The following SEMA5B variants were observed in gnomAD, a reference collection of about 807,000 sequenced individuals.
SEMA5B encodes semaphorin 5B.
Under a neutral mutation model 135.0 loss-of-function variants are expected in SEMA5B, and 66 were observed. The ratio of observed to expected loss-of-function variants is 0.49; its 90% confidence interval spans 0.40 to 0.60. The LOEUF (loss-of-function observed/expected upper bound fraction) is 0.60. Ranked by LOEUF, SEMA5B falls within the 20% of genes least tolerant of loss-of-function variation. SEMA5B has a pLI of 0.00. For missense variants in SEMA5B, 1,501 were observed against 1,566.3 expected, an observed-to-expected ratio of 0.96 and a Z score of 0.70; for synonymous variants, 690 against 639.5, an observed-to-expected ratio of 1.08 and a Z score of -1.19.
chr3:122,920,249 C>T (rs78414461), intron 12 of SEMA5B, among the ~76,000 whole-genome samples: 8,034 of 152,294 alleles, frequency 0.053, 268 homozygotes, highest in Middle Eastern at 0.11. Flanking sequence ...GTTTCTCCTG[C>T]GCCAAACTCC....
At chr3:122,990,876 T>G (rs1941853223) in intron 1 of SEMA5B, among the ~76,000 whole-genome samples, 1 of 152,222 alleles carries the variant, frequency 6.6e-6, no homozygotes, top group South Asian at 2.1e-4. Context: ...ACATGATGTC[T>G]GTCTCACTCA....
At chr3:122,954,524 C>A (rs919214374) in intron 2 of SEMA5B, among the ~76,000 whole-genome samples, 1 of 152,220 alleles carries the variant, frequency 6.6e-6, no homozygotes, top group Non-Finnish European at 1.5e-5. Context: ...CAGGAGGCAA[C>A]CTGCCCTGCT....
Position 122,952,241 on chromosome 3 carries a change from G to A in SEMA5B, c.125-3532C>T, listed in dbSNP as rs186032858. Among the ~76,000 whole-genome samples the A allele has an allele frequency of 3.2e-3, 483 of 152,246 alleles. 3 individuals are homozygous for A. The highest frequency in any genetic ancestry group is 0.011 in the African/African-American group (467 of 41,534). ...GTCACTCACATGGAATTTATCCTCA[G>A]TGCTAGCCTGGGTCCGTCCTGTGGC... On this transcript the variant is annotated intron_variant, in intron 2 of 22. Coordinates refer to ENST00000357599, the MANE Select transcript of SEMA5B (RefSeq NM_001031702.4).
chr3:122,926,808 A>G, intron 8 of SEMA5B, 131 bp from the exon 9 acceptor site: 10 of 1,033,060 alleles, frequency 9.7e-6, no homozygotes, highest in Non-Finnish European at 1.4e-5. Context: ...AATCTTGGTG[A>G]CCTGGGGGCC....
chr3:123,024,196 G>A (rs148236772), intron 1 of SEMA5B, among the ~76,000 whole-genome samples: 101 of 152,290 alleles, frequency 6.6e-4, no homozygotes, highest in African/African-American at 2.3e-3. Flanking sequence ...ACTAAGCACG[G>A]GAGTGTTATG....
chr3:122,923,285 C>T (rs1475299426), intron 10 of SEMA5B, among the ~76,000 whole-genome samples: 1 of 152,210 alleles, frequency 6.6e-6, no homozygotes, highest in Non-Finnish European at 1.5e-5. Context: ...GCTTAACATT[C>T]CCAAATTCCA....
chr3:122,968,825 T>TTCA (rs10662582), intron 1 of SEMA5B, among the ~76,000 whole-genome samples: 17,730 of 152,058 alleles, frequency 0.12, 1,926 homozygotes, highest in East Asian at 0.31. Context: ...TGAGCCAACA[T>TTCA]TCAAGGGTCC....
chr3:122,940,863 T>G (rs1255495540), intron 4 of SEMA5B, among the ~76,000 whole-genome samples: 1 of 152,216 alleles, frequency 6.6e-6, no homozygotes, highest in Admixed American at 6.5e-5. Flanking sequence ...TGGGAACAGA[T>G]AAGCTCCAGC....
chr3:122,911,035 G>A lies in SEMA5B; in HGVS notation c.3102C>T (p.Leu1034=), dbSNP rs1158378459. ...AGATGCCCGTGGCCACCAAGTGGAT[G>A]AGATTGAACCCTAGGGGAAGAGAGG... is the stretch of plus-strand genomic sequence containing the variant. ...EEATDCAGFN[L]IHLVATGISC... Residue 1034 remains leucine (L), a synonymous_variant, in exon 22 of 23, where the codon CTC becomes CTT. Transcript: ENST00000357599. 6.2e-7 allele frequency: 1 copy of A among 1,612,596 alleles called. No homozygotes were observed. The highest frequency in any genetic ancestry group is 8.5e-7 in the Non-Finnish European group (1 of 1,179,128).
At chr3:122,918,776 G>A (rs1182127048) in intron 12 of SEMA5B, among the ~76,000 whole-genome samples, 1 of 152,182 alleles carries the variant, frequency 6.6e-6, no homozygotes, top group Non-Finnish European at 1.5e-5. Flanking sequence ...CTCTTCTTGT[G>A]AATAAAAGGG....
chr3:122,939,791 C>A (rs532967920), intron 4 of SEMA5B, among the ~76,000 whole-genome samples: 2 of 152,326 alleles, frequency 1.3e-5, no homozygotes, highest in African/African-American at 4.8e-5. Flanking sequence ...GCCAACTCAG[C>A]TAGCCCTGGG....
In SEMA5B at chr3:122,922,364, G is replaced by A. The variant is rs758040580; in HGVS notation, c.1356C>T (p.Ser452=). ...CGGGTGTCACCGGCTGCACGGCCTC[G>A]CTCATCAGGAAGAGGCGCTGCGCGT... The part of the protein sequence containing the change: ...LQDAQRLFLM[S]EAVQPVTPEP... The change falls in exon 11 of 23, where the codon AGC becomes AGT. Residue 452 remains serine, a synonymous_variant. Transcript: ENST00000357599. The A allele has an allele frequency of 2.5e-6, 4 of 1,613,102 alleles. No homozygotes were observed. The highest frequency in any genetic ancestry group is 1.1e-5 in the South Asian group (1 of 90,832).
chr3:122,947,201 A>G (rs9831044), intron 3 of SEMA5B, among the ~76,000 whole-genome samples: 86,300 of 152,000 alleles, frequency 0.57, 24,916 homozygotes, highest in Admixed American at 0.63. Flanking sequence ...CCAGCACTCC[A>G]GGAGCCATCA....
chr3:122,975,903 A>G (rs1439474829), intron 1 of SEMA5B: 13 of 1,380,758 alleles, frequency 9.4e-6, no homozygotes, highest in Non-Finnish European at 1.3e-5. Flanking sequence ...TCTGCCTCAG[A>G]CTCCCTCTCC....
At chr3:122,926,350 C>G in intron 9 of SEMA5B, 42 bp downstream of exon 9, 1 of 1,576,886 alleles carries the variant, frequency 6.3e-7, no homozygotes, top group Non-Finnish European at 8.6e-7. Flanking sequence ...CAGGCCAGCT[C>G]CTGACATCAC....
intron 1 of SEMA5B, among the ~76,000 whole-genome samples, chr3:122,991,965 G>A (rs1309167743): frequency 2.0e-5 from 3 of 152,126 alleles, no homozygotes; most frequent in East Asian, 1.9e-4. Flanking sequence ...CTGAGAACCC[G>A]TTACGGATAC....
chr3:122,969,587 C>T (rs974007862), intron 1 of SEMA5B, among the ~76,000 whole-genome samples: 13 of 152,216 alleles, frequency 8.5e-5, no homozygotes, highest in African/African-American at 2.9e-4. Flanking sequence ...CTCCCAGCTC[C>T]ACTCCCATTC....
chr3:123,005,061 G>A (rs116557855), intron 1 of SEMA5B, among the ~76,000 whole-genome samples: 1 of 152,234 alleles, frequency 6.6e-6, no homozygotes, highest in Non-Finnish European at 1.5e-5. Flanking sequence ...AGCATGAAAG[G>A]TCAGAGGAAT....
At chr3:122,958,506 G>A (rs972896505) in intron 2 of SEMA5B, among the ~76,000 whole-genome samples, 2 of 152,202 alleles carry the variant, frequency 1.3e-5, no homozygotes, top group African/African-American at 4.8e-5. Flanking sequence ...TCTCCGTGGG[G>A]GTGGTGAAGG....
Sources: allele counts gnomAD v4.1 joint callset (sites outside exome capture counted in the v4.1 genomes callset), GRCh38; gene constraint gnomAD v4.1.1; transcripts MANE v1.5; gene names NCBI Gene and HGNC (gene_info 2026-07-23, HGNC 2026-07-21).